Variants in CDH4 observed in about 807,000 individuals in gnomAD.
The protein encoded by CDH4 is cadherin 4, also known as cadherin-4.
A neutral mutation model predicts 86.0 loss-of-function variants in CDH4; 33 were observed. The ratio of observed to expected loss-of-function variants is 0.38; its 90% confidence interval spans 0.29 to 0.51. The LOEUF (loss-of-function observed/expected upper bound fraction) is 0.51, where lower values mean the gene tolerates loss of function less well. Among genes scored for constraint, CDH4 ranks in the 20% least tolerant of loss-of-function variants. The probability of loss-of-function intolerance (pLI) is 0.86; values close to 1 mark genes in which losing one functional copy is unlikely to be tolerated. For missense variants in CDH4, 1,114 were observed against 1,307.4 expected (o/e 0.85, Z 2.28); for synonymous variants, 555 against 549.4 (o/e 1.01, Z -0.14).
intron 2 of CDH4, among the ~76,000 whole-genome samples, chr20:61,337,716 C>G (rs74611129): frequency 0.042 from 6,380 of 152,182 alleles, 186 homozygotes; most frequent in Middle Eastern, 0.068. Flanking sequence ...GCTTGACATT[C>G]CATTCCATGA....
At chr20:61,537,286 A>T (rs2086004271) in intron 2 of CDH4, among the ~76,000 whole-genome samples, 1 of 151,544 alleles carries the variant, frequency 6.6e-6, no homozygotes, top group Admixed American at 6.6e-5. Flanking sequence ...CCGACATTTT[A>T]CTTATCCTTC....
At position 61,663,673 on chromosome 20, in the gene CDH4, A is replaced by T. The variant is rs2087287423; in HGVS notation, c.170-79890A>T. Among the ~76,000 whole-genome samples the T allele has an allele frequency of 6.6e-6, 1 of 151,870 alleles. No homozygotes were observed. Among genetic ancestry groups the T allele is most frequent in the South Asian group, 2.1e-4 (1 of 4,794 alleles). ...AAGCGGGGACTCGAGGAGAGCAGGG[A>T]GTGCTGTCTTCCCGGCGGGAGCTGG... On this transcript the variant is annotated intron_variant, in intron 2 of 15. Coordinates refer to ENST00000614565, the MANE Select transcript of CDH4 (RefSeq NM_001794.5). The surrounding 1 kb of genome is among the most constrained non-coding windows in gnomAD (Gnocchi z 5.0).
intron 2 of CDH4, among the ~76,000 whole-genome samples, chr20:61,373,200 C>T (rs1476929194): frequency 6.6e-6 from 1 of 152,106 alleles, no homozygotes; most frequent in Admixed American, 6.5e-5. Flanking sequence ...AGGTGTGTGT[C>T]CTGCCGGCCC....
Position 61,565,214 on chromosome 20 carries a change from T to TTGGTGATGGGGTGATGGTGGTGG in CDH4, c.170-178349_170-178348insTGGTGATGGGGTGATGGTGGTGG. ...CCTCTTGGTGGTGGTCGCGGTGCTC[T>TTGGTGATGGGGTGATGGTGGTGG]CGGTGGTAGGTGGTGGTGGTGGTGG... On this transcript the variant is annotated intron_variant, in intron 2 of 15. Coordinates refer to ENST00000614565, the MANE Select transcript of CDH4 (RefSeq NM_001794.5). 6.4e-5 allele frequency among the ~76,000 whole-genome samples: 2 copies of TTGGTGATGGGGTGATGGTGGTGG among 31,300 alleles called. 1 individual carries two copies. The highest frequency in any genetic ancestry group is 1.2e-4 in the Non-Finnish European group (2 of 17,196). The allele number at this position is 31,300 out of a possible 152,430, so 20.5% of individuals were successfully genotyped here.
intron 4 of CDH4, among the ~76,000 whole-genome samples, chr20:61,782,836 C>G (rs1469426310): frequency 6.6e-6 from 1 of 152,210 alleles, no homozygotes; most frequent in Non-Finnish European, 1.5e-5. Context: ...GTCATCCCAG[C>G]ACTTTGGGAG....
chr20:61,653,652 C>A (rs1457684269), intron 2 of CDH4, among the ~76,000 whole-genome samples: 5 of 98,940 alleles, frequency 5.1e-5, no homozygotes, highest in Admixed American at 4.9e-4. Context: ...GGCTGAGGGG[C>A]TCCTCACTTC....
At chr20:61,368,673 T>C (rs1337393218) in intron 2 of CDH4, among the ~76,000 whole-genome samples, 1 of 152,058 alleles carries the variant, frequency 6.6e-6, no homozygotes, top group African/African-American at 2.4e-5. Context: ...TGTGCCACCA[T>C]GCCAGGCTAA....
At chr20:61,383,737 A>G (rs1470111092) in intron 2 of CDH4, among the ~76,000 whole-genome samples, 1 of 139,998 alleles carries the variant, frequency 7.1e-6, no homozygotes, top group Non-Finnish European at 1.5e-5. Context: ...AATATATGAT[A>G]TATATGAAGA....
At chr20:61,744,097 G>T (rs562975260) in intron 3 of CDH4, among the ~76,000 whole-genome samples, 20 of 152,316 alleles carry the variant, frequency 1.3e-4, no homozygotes, top group African/African-American at 4.6e-4. Flanking sequence ...TTCAAACTGG[G>T]CACTGCAAAT....
At chr20:61,647,528 T>TCTCC (rs2087074201) in intron 2 of CDH4, among the ~76,000 whole-genome samples, 1 of 90,462 alleles carries the variant, frequency 1.1e-5, no homozygotes, top group African/African-American at 4.5e-5. Flanking sequence ...ACACATATTC[T>TCTCC]CTCTCCCTCT....
chr20:61,849,649 C>T lies in CDH4; in HGVS notation c.733-3105C>T, dbSNP rs59553521. Among the ~76,000 whole-genome samples, 1,344 of 152,262 alleles carry T rather than the reference C, an allele frequency of 8.8e-3. 30 individuals are homozygous for T. The East Asian group carries it at 0.1, about 12-fold the overall frequency. Reference sequence around the variant, plus strand: ...CTTGTGGTTGCAGGACTGAGGTCTCCATGTCCTTGCTGGCTATTCGGGGGG... The same window carrying T: ...CTTGTGGTTGCAGGACTGAGGTCTCTATGTCCTTGCTGGCTATTCGGGGGG... On this transcript the variant is annotated intron_variant, in intron 5 of 15. Coordinates refer to ENST00000614565, the MANE Select transcript of CDH4 (RefSeq NM_001794.5).
At chr20:61,522,972 G>T (rs1181078377) in intron 2 of CDH4, among the ~76,000 whole-genome samples, 1 of 152,232 alleles carries the variant, frequency 6.6e-6, no homozygotes. Context: ...CTGGCATCAG[G>T]ATGTGGCCTG....
intron 3 of CDH4, among the ~76,000 whole-genome samples, chr20:61,766,182 C>T (rs1008510055): frequency 2.6e-5 from 4 of 152,026 alleles, no homozygotes; most frequent in Non-Finnish European, 5.9e-5. Flanking sequence ...TGACCCTCCC[C>T]TCCCTACCCC....
At chr20:61,554,640 G>A (rs1000576382) in intron 2 of CDH4, among the ~76,000 whole-genome samples, 76 of 152,222 alleles carry the variant, frequency 5.0e-4, no homozygotes, top group Admixed American at 2.7e-3. Flanking sequence ...CCTGGGAGCC[G>A]CAACCAGTGC....
chr20:61,709,556 A>C lies in CDH4; in HGVS notation c.170-34007A>C, dbSNP rs1467987603. Among the ~76,000 whole-genome samples the C allele has an allele frequency of 6.6e-6, 1 of 151,746 alleles. No individual in the cohort carries two copies. The highest frequency in any genetic ancestry group is 2.4e-5 in the African/African-American group (1 of 41,278). On this transcript the variant is annotated intron_variant, in intron 2 of 15. Transcript: ENST00000614565. The surrounding 1 kb of genome is among the most constrained non-coding windows in gnomAD (Gnocchi z 4.8). ...CTCCCAAAATGCTGGGATTACAGGC[A>C]TGAGCCACTGTGCCTGGCAATTTTT...
At chr20:61,449,938 G>A (rs1377968244) in intron 2 of CDH4, among the ~76,000 whole-genome samples, 1 of 152,214 alleles carries the variant, frequency 6.6e-6, no homozygotes, top group Non-Finnish European at 1.5e-5. Context: ...ATGGGTAAAA[G>A]GCACTCACAC....
intron 2 of CDH4, among the ~76,000 whole-genome samples, chr20:61,413,546 T>C (rs909627342): frequency 2.0e-5 from 3 of 152,170 alleles, no homozygotes; most frequent in Non-Finnish European, 4.4e-5. Flanking sequence ...TGGCATGCTG[T>C]GTGTCTTGTG....
At chr20:61,808,558 T>A (rs1253093621) in intron 4 of CDH4, among the ~76,000 whole-genome samples, 1 of 152,124 alleles carries the variant, frequency 6.6e-6, no homozygotes, top group African/African-American at 2.4e-5. Flanking sequence ...TCTTGCTACG[T>A]TTCGGAACAT....
At position 61,736,646 on chromosome 20, in the gene CDH4, G is replaced by GGA. The variant is rs755619100; in HGVS notation, c.170-6903_170-6902dup. Among the ~76,000 whole-genome samples, 7 of 138,256 alleles carry GGA rather than the reference G, an allele frequency of 5.1e-5. 1 individual carries two copies. The highest frequency in any genetic ancestry group is 5.4e-5 in the African/African-American group (2 of 37,140). 90.7% of individuals were successfully genotyped at this position (138,256 alleles called of 152,430 possible). On this transcript the variant is annotated intron_variant, in intron 2 of 15. Coordinates refer to ENST00000614565, the MANE Select transcript of CDH4 (RefSeq NM_001794.5). ...AGGGAGGGAGGGAGGAAGGAAGGAAGGAGAGAGAGAGAGAGGGAGAGAGAG... is the reference window on the plus strand; with the variant it reads ...AGGGAGGGAGGGAGGAAGGAAGGAAGGAGAGAGAGAGAGAGAGGGAGAGAGAG...
Sources: gnomAD v4.1 joint callset for allele counts (sites outside exome capture counted in the v4.1 genomes callset) on GRCh38, gnomAD v4.1.1 for gene constraint, Gnocchi (gnomAD v3.1) non-coding constraint, MANE v1.5 for transcripts, NCBI Gene and HGNC (gene_info 2026-07-23, HGNC 2026-07-21) for gene names.